YAP1: variants seen among roughly 807,000 people sequenced by gnomAD.
The protein encoded by YAP1 is transcriptional coactivator YAP1.
Under a neutral mutation model 56.9 loss-of-function variants are expected in YAP1, and 5 were observed. That is an observed-to-expected ratio of 0.09 (90% CI 0.05 to 0.18). The LOEUF (loss-of-function observed/expected upper bound fraction) is 0.18. Ranked by LOEUF, YAP1 falls within the 10% of genes least tolerant of loss-of-function variation. YAP1 has a pLI of 1.00. For missense variants in YAP1, 539 were observed against 651.8 expected (o/e 0.83, Z 1.88); for synonymous variants, 265 against 248.1 (o/e 1.07, Z -0.64).
At chr11:102,152,825 C>T (rs987649622) in intron 2 of YAP1, among the ~76,000 whole-genome samples, 1 of 152,186 alleles carries the variant, frequency 6.6e-6, no homozygotes, top group Non-Finnish European at 1.5e-5. Flanking sequence ...ACTTAACAGC[C>T]TTTCTTGGAA....
At chr11:102,202,754 A>G (rs1277094617) in intron 4 of YAP1, among the ~76,000 whole-genome samples, 1 of 152,174 alleles carries the variant, frequency 6.6e-6, no homozygotes, top group Non-Finnish European at 1.5e-5. Flanking sequence ...GCTAAAAACC[A>G]TTGGGTGAAA....
At chr11:102,199,134 A>T (rs1352536643) in intron 4 of YAP1, among the ~76,000 whole-genome samples, 1 of 152,166 alleles carries the variant, frequency 6.6e-6, no homozygotes, top group African/African-American at 2.4e-5. Flanking sequence ...AAGAGAGAGG[A>T]CTAAGGTTTA....
chr11:102,147,939 G>A (rs977568312), intron 2 of YAP1, among the ~76,000 whole-genome samples: 6 of 152,162 alleles, frequency 3.9e-5, no homozygotes, highest in Admixed American at 3.3e-4. Flanking sequence ...GAAAGGAGAA[G>A]AAAATGTCTA....
intron 2 of YAP1, 72 bp from the exon 3 acceptor site, chr11:102,162,384 G>A (rs948412051): frequency 1.1e-5 from 15 of 1,326,832 alleles, no homozygotes; most frequent in Non-Finnish European, 1.6e-5. Context: ...CTTTGATTAT[G>A]AGCCCACAAG....
At chr11:102,193,890 G>A (rs889032501) in intron 4 of YAP1, among the ~76,000 whole-genome samples, 1 of 151,200 alleles carries the variant, frequency 6.6e-6, no homozygotes, top group African/African-American at 2.4e-5. Flanking sequence ...CCAGGCTGGA[G>A]TGCAGTGGCG....
At chr11:102,130,744 T>TTC (rs1944327853) in intron 2 of YAP1, among the ~76,000 whole-genome samples, 1 of 144,526 alleles carries the variant, frequency 6.9e-6, no homozygotes, top group Admixed American at 7.1e-5. Context: ...TTTTTTTTTT[T>TTC]AAGATTTAAA....
rs1028350272 is a variant in YAP1 at position 102,158,790 on chromosome 11, T to G, written c.573-3666T>G. Among the ~76,000 whole-genome samples, 3 of 152,206 alleles carry G rather than the reference T, an allele frequency of 2.0e-5. No homozygotes were observed. In the East Asian group the frequency reaches 5.8e-4, roughly 29 times the overall value. On this transcript the variant is annotated intron_variant, in intron 2 of 8. Transcript: ENST00000282441. ...AACTTTGAAGATAGGTATAAGAAAGTCATCAGTGTTTTCATTACTATAAAG... is the reference window on the plus strand; with the variant it reads ...AACTTTGAAGATAGGTATAAGAAAGGCATCAGTGTTTTCATTACTATAAAG...
chr11:102,134,913 T>G (rs1452893766), intron 2 of YAP1, among the ~76,000 whole-genome samples: 3 of 151,758 alleles, frequency 2.0e-5, no homozygotes, highest in African/African-American at 7.3e-5. Context: ...AGTTTCACTA[T>G]TTTTGCCCAG....
intron 4 of YAP1, among the ~76,000 whole-genome samples, chr11:102,201,095 TAGC>T (rs1413653711): frequency 6.6e-6 from 1 of 152,208 alleles, no homozygotes; most frequent in Non-Finnish European, 1.5e-5. Flanking sequence ...AAAGATATAG[TAGC>T]AGAAATACAA....
Position 102,230,561 on chromosome 11 carries a change from G to A in YAP1, c.*621G>A, listed in dbSNP as rs930279711. The A allele has an allele frequency of 6.6e-6, 1 of 152,548 alleles. No individual in the cohort carries two copies. Among genetic ancestry groups the A allele is most frequent in the African/African-American group, 2.4e-5 (1 of 41,422 alleles). The allele number at this position is 152,548 out of a possible 1,614,324, so 9.4% of individuals were successfully genotyped here. On this transcript the variant is annotated 3_prime_UTR_variant, in exon 9 of 9. Coordinates refer to ENST00000282441, the MANE Select transcript of YAP1 (RefSeq NM_001130145.3). ...TATTTTAGGAGCTTATAAGGCATGA[G>A]ACAATTTCCATATAAATATATTAAT...
intron 2 of YAP1, among the ~76,000 whole-genome samples, chr11:102,160,527 A>G (rs1946210483): frequency 6.6e-6 from 1 of 152,208 alleles, no homozygotes; most frequent in African/African-American, 2.4e-5. Context: ...GATGATTTGA[A>G]AAAGAAAGCA....
Position 102,110,649 on chromosome 11 carries a change from C to CCCCG in YAP1, c.-199_-198insCCGC. The CCCCG allele has an allele frequency of 3.3e-6, 1 of 305,890 alleles. No homozygotes were observed. 18.9% of individuals were successfully genotyped at this position (305,890 alleles called of 1,614,324 possible). ...AGGCGCAGCCGCCAGACCAGTGGAG[C>CCCCG]CGGGGCGCAGGGCGGGGGCGGAGGC... On this transcript the variant is annotated 5_prime_UTR_variant, in exon 1 of 9. Coordinates refer to ENST00000282441, the MANE Select transcript of YAP1 (RefSeq NM_001130145.3).
At chr11:102,146,721 C>G (rs572636103) in intron 2 of YAP1, among the ~76,000 whole-genome samples, 20 of 152,136 alleles carry the variant, frequency 1.3e-4, no homozygotes, top group Admixed American at 2.6e-4. Context: ...TCTTACAATT[C>G]ATGGGATCTT....
chr11:102,182,590 A>T (rs1947691548), intron 3 of YAP1, among the ~76,000 whole-genome samples: 1 of 152,240 alleles, frequency 6.6e-6, no homozygotes, highest in Non-Finnish European at 1.5e-5. Flanking sequence ...CCACTGGACT[A>T]AAAATTCTTT....
chr11:102,204,807 C>T (rs1037562900), intron 4 of YAP1, among the ~76,000 whole-genome samples: 8 of 152,110 alleles, frequency 5.3e-5, no homozygotes, highest in Admixed American at 1.3e-4. Flanking sequence ...TTATGCTGGC[C>T]TTATAAGTGT....
chr11:102,208,499 A>T (rs992672160), intron 5 of YAP1, among the ~76,000 whole-genome samples: 7 of 152,178 alleles, frequency 4.6e-5, no homozygotes, highest in Non-Finnish European at 1.0e-4. Flanking sequence ...TCTGACATAA[A>T]AAAGGATGGA....
chr11:102,210,792 G>A (rs1196593430), intron 6 of YAP1, among the ~76,000 whole-genome samples: 2 of 152,022 alleles, frequency 1.3e-5, no homozygotes, highest in African/African-American at 4.8e-5. Flanking sequence ...TCGCTCTGTT[G>A]CCGAGGCTGG....
In YAP1 at chr11:102,135,848, G is replaced by GAT. The variant is rs562538915; in HGVS notation, c.572+21455_572+21456dup. 4.2e-3 allele frequency among the ~76,000 whole-genome samples: 638 copies of GAT among 152,262 alleles called. 3 individuals are homozygous for GAT. Among genetic ancestry groups the GAT allele is most frequent in the Middle Eastern group, 6.8e-3 (2 of 294 alleles). The stretch of plus-strand genomic sequence containing the variant: ...AATATTTTTGCAGTTTGCATCTTTT[G>GAT]ATCAATTTTGTGGGACTCGTGAATG... On this transcript the variant is annotated intron_variant, in intron 2 of 8. Coordinates refer to ENST00000282441, the MANE Select transcript of YAP1 (RefSeq NM_001130145.3).
chr11:102,223,748 A>G lies in YAP1; in HGVS notation c.1159A>G (p.Asn387Asp). 4 of 1,613,868 alleles carry G rather than the reference A, an allele frequency of 2.5e-6. No individual in the cohort carries two copies. Among genetic ancestry groups the G allele is most frequent in the Non-Finnish European group, 3.4e-6 (4 of 1,179,924 alleles). ...MTTNSSDPFLNSGTYHSRDES... is the reference protein window; with the variant it reads ...MTTNSSDPFLDSGTYHSRDES... ...GACCAATAGCTCAGATCCTTTCCTT[A>G]ACAGGTTGGTGAAAGTTGCTACTGG... The change falls in exon 7 of 9, where the codon AAC (asparagine) becomes GAC (aspartate). Residue 387 changes from asparagine (N) to aspartate (D), a missense_variant. Transcript: ENST00000282441.
Sources: allele counts gnomAD v4.1 joint callset (sites outside exome capture counted in the v4.1 genomes callset), GRCh38; gene constraint gnomAD v4.1.1; transcripts MANE v1.5; gene names NCBI Gene and HGNC (gene_info 2026-07-23, HGNC 2026-07-21).